PTBP3: variants seen among roughly 807,000 people sequenced by gnomAD.
The protein encoded by PTBP3 is polypyrimidine tract binding protein 3, also known as polypyrimidine tract-binding protein 3.
Under a neutral mutation model 58.7 loss-of-function variants are expected in PTBP3, and 20 were observed. The observed-to-expected ratio is 0.34, with a 90% CI of 0.24 to 0.50. PTBP3 has a LOEUF of 0.50. PTBP3 is among the 20% of genes least tolerant of loss of function. The pLI is 0.98. For missense variants in PTBP3, 509 were observed against 637.2 expected (o/e 0.80, Z 2.17); for synonymous variants, 185 against 219.8 (o/e 0.84, Z 1.40).
intron 6 of PTBP3, among the ~76,000 whole-genome samples, chr9:112,251,767 G>A (rs1836128722): frequency 6.6e-6 from 1 of 152,048 alleles, no homozygotes; most frequent in African/African-American, 2.4e-5. Flanking sequence ...TATAAAAATA[G>A]ATACCAGAAA....
chr9:112,326,021 C>CAAAT (rs1228677678), intron 1 of PTBP3, among the ~76,000 whole-genome samples: 1 of 151,774 alleles, frequency 6.6e-6, no homozygotes, highest in Non-Finnish European at 1.5e-5. Context: ...CTGTCTCAAA[C>CAAAT]AAACAAAACA....
intron 2 of PTBP3, among the ~76,000 whole-genome samples, chr9:112,284,171 C>T (rs1244711275): frequency 2.6e-5 from 4 of 152,284 alleles, no homozygotes; most frequent in South Asian, 2.1e-4. Flanking sequence ...GTGAGAAGAG[C>T]GCCACTGTCC....
chr9:112,304,499 G>A (rs1279812765), intron 1 of PTBP3, among the ~76,000 whole-genome samples: 1 of 152,154 alleles, frequency 6.6e-6, no homozygotes, highest in Non-Finnish European at 1.5e-5. Context: ...GTTATAATAT[G>A]AATCTATGCT....
chr9:112,224,051 C>T lies in PTBP3; in HGVS notation c.1443-68G>A, dbSNP rs146818067. Reference sequence around the variant, plus strand: ...TTTGCTTCCAAACTCCTTCCTCCACCAGAAGACTTCACTGAACTACCTTTA... The same window carrying T: ...TTTGCTTCCAAACTCCTTCCTCCACTAGAAGACTTCACTGAACTACCTTTA... On this transcript the variant is annotated intron_variant, in intron 13 of 13. Transcript: ENST00000374257. The T allele has an allele frequency of 5.1e-5, 79 of 1,560,070 alleles. No individual in the cohort carries two copies. The East Asian group carries it at 9.5e-4, about 19-fold the overall frequency.
At chr9:112,236,214 A>G (rs1835431786) in intron 7 of PTBP3, among the ~76,000 whole-genome samples, 1 of 152,142 alleles carries the variant, frequency 6.6e-6, no homozygotes, top group Non-Finnish European at 1.5e-5. Context: ...CCGTCACAAG[A>G]GACTGCAGGG....
chr9:112,331,759 C>T (rs1249829240), intron 1 of PTBP3, among the ~76,000 whole-genome samples: 1 of 152,190 alleles, frequency 6.6e-6, no homozygotes, highest in Non-Finnish European at 1.5e-5. Flanking sequence ...CCCATTACTA[C>T]CTTTAAAACC....
At chr9:112,305,926 C>A (rs1439124549) in intron 1 of PTBP3, among the ~76,000 whole-genome samples, 1 of 151,732 alleles carries the variant, frequency 6.6e-6, no homozygotes, top group South Asian at 2.1e-4. Flanking sequence ...GGCGACAGAG[C>A]GAGACTCTGT....
At chr9:112,325,749 C>G (rs1830130242) in intron 1 of PTBP3, among the ~76,000 whole-genome samples, 3 of 152,116 alleles carry the variant, frequency 2.0e-5, no homozygotes, top group Non-Finnish European at 4.4e-5. Context: ...ACTGGACAAG[C>G]ACGGTGGCTC....
In PTBP3 at chr9:112,276,483, T is replaced by TGGGGAGA. The variant is rs1827615294; in HGVS notation, c.35-471_35-470insTCTCCCC. On this transcript the variant is annotated intron_variant, in intron 2 of 13. Transcript: ENST00000374257. ...GAGATATGGATTTGAATTGTATATT[T>TGGGGAGA]ATTAAAATAAAGTTTATTTCTTGGG... Among the ~76,000 whole-genome samples the TGGGGAGA allele has an allele frequency of 4.6e-5, 7 of 152,242 alleles. No individual in the cohort carries two copies. The East Asian group carries it at 1.2e-3, about 25-fold the overall frequency.
chr9:112,234,720 G>T, intron 8 of PTBP3, 100 bp downstream of exon 8: 1 of 1,147,724 alleles, frequency 8.7e-7, no homozygotes, highest in Non-Finnish European at 1.3e-6. Flanking sequence ...ATGCTTTATG[G>T]TAAATTCTTC....
chr9:112,334,022 A>G (rs1336321577), upstream of PTBP3, among the ~76,000 whole-genome samples: 1 of 151,686 alleles, frequency 6.6e-6, no homozygotes, highest in Admixed American at 6.6e-5. Context: ...CGGCAGGAAA[A>G]GCTATGGGGA....
At chr9:112,323,127 G>A (rs1015091565) in intron 1 of PTBP3, among the ~76,000 whole-genome samples, 16 of 152,220 alleles carry the variant, frequency 1.1e-4, no homozygotes, top group Non-Finnish European at 2.4e-4. Flanking sequence ...TGCCATGTCT[G>A]TGTAGCCCTA....
At chr9:112,345,379 AAT>A in the PTBP3 span, among the ~76,000 whole-genome samples, 5 of 80,998 alleles carry the variant, frequency 6.2e-5, no homozygotes, top group East Asian at 1.3e-3. Context: ...AAGGAAAAAA[AAT>A]TTTTTTTTTT....
chr9:112,335,948 A>G (rs1372611319), upstream of PTBP3, among the ~76,000 whole-genome samples: 2 of 149,290 alleles, frequency 1.3e-5, no homozygotes, highest in Non-Finnish European at 3.0e-5. Context: ...ATCTCGGCTC[A>G]CTGCAACCTC....
chr9:112,299,403 AAGACATCATTAGGAGAAT>A (rs1333326962), intron 1 of PTBP3, among the ~76,000 whole-genome samples: 1 of 152,236 alleles, frequency 6.6e-6, no homozygotes, highest in East Asian at 1.9e-4. Flanking sequence ...TATTTAACAA[AAGACATCATTAGGAGAAT>A]AAACAGACAA....
intron 5 of PTBP3, among the ~76,000 whole-genome samples, chr9:112,257,735 T>G (rs2132109383): frequency 6.6e-6 from 1 of 152,042 alleles, no homozygotes; most frequent in African/African-American, 2.4e-5. Flanking sequence ...AGGTCAGGAG[T>G]TCGAGACCAG....
chr9:112,246,230 G>A (rs1214800552), intron 7 of PTBP3, among the ~76,000 whole-genome samples: 1 of 151,484 alleles, frequency 6.6e-6, no homozygotes, highest in Non-Finnish European at 1.5e-5. Context: ...TGATCCACCC[G>A]CCTCGGCCTC....
chr9:112,255,744 C>T (rs1410124064), intron 5 of PTBP3, among the ~76,000 whole-genome samples: 2 of 152,130 alleles, frequency 1.3e-5, no homozygotes, highest in Admixed American at 1.3e-4. Flanking sequence ...TATGTAGTTG[C>T]CTATAGTTCT....
At chr9:112,257,559 T>G (rs1836421923) in intron 5 of PTBP3, among the ~76,000 whole-genome samples, 1 of 152,190 alleles carries the variant, frequency 6.6e-6, no homozygotes, top group African/African-American at 2.4e-5. Context: ...AAAGATCAAA[T>G]TCTGATAAAA....
Sources: gnomAD v4.1 joint callset for allele counts (sites outside exome capture counted in the v4.1 genomes callset) on GRCh38, gnomAD v4.1.1 for gene constraint, MANE v1.5 for transcripts, NCBI Gene and HGNC (gene_info 2026-07-23, HGNC 2026-07-21) for gene names.